SPATA6L: variants seen among roughly 807,000 people sequenced by gnomAD.
The protein encoded by SPATA6L is spermatogenesis associated 6-like protein.
In SPATA6L, 68 loss-of-function variants were observed where a neutral mutation model predicts 49.2. The ratio of observed to expected loss-of-function variants is 1.38; its 90% CI spans 1.14 to 1.69. The LOEUF is 1.69. Among genes scored for constraint, SPATA6L ranks in the 40% most tolerant of loss-of-function variants. The pLI is 0.00. For synonymous variants in SPATA6L, 198 were observed against 165.7 expected (o/e 1.19, Z -1.50); for missense variants, 668 against 464.3 (o/e 1.44, Z -4.03).
chr9:4,602,040 G>A (rs1290283905), intron 11 of SPATA6L, among the ~76,000 whole-genome samples: 3 of 152,148 alleles, frequency 2.0e-5, no homozygotes, highest in Non-Finnish European at 2.9e-5. Flanking sequence ...CAGGGAGGAT[G>A]GTATGGAGAC....
At chr9:4,595,397 G>C (rs1384474251), downstream of SPATA6L, among the ~76,000 whole-genome samples, 1 of 151,954 alleles carries the variant, frequency 6.6e-6, no homozygotes, top group African/African-American at 2.4e-5. Context: ...GGCTTTGTCA[G>C]AGTCTCCCCA....
chr9:4,615,993 T>C (rs1827892004), intron 9 of SPATA6L, among the ~76,000 whole-genome samples: 1 of 152,156 alleles, frequency 6.6e-6, no homozygotes, highest in Non-Finnish European at 1.5e-5. Flanking sequence ...GTTTAAAAGG[T>C]TGAAGCCAGG....
intron 3 of SPATA6L, among the ~76,000 whole-genome samples, chr9:4,638,790 C>CTT (rs201206657): frequency 1.7e-5 from 2 of 120,294 alleles, no homozygotes; most frequent in South Asian, 2.3e-4. Flanking sequence ...CTTTTCTTTT[C>CTT]TTTTTTTTTT....
chr9:4,624,711 G>A (rs1830021026), intron 6 of SPATA6L, among the ~76,000 whole-genome samples: 1 of 144,670 alleles, frequency 6.9e-6, no homozygotes, highest in African/African-American at 2.6e-5. Context: ...CTAGGCGACA[G>A]CGCAAGACTC....
chr9:4,659,220 T>G (rs1458981493), intron 2 of SPATA6L, among the ~76,000 whole-genome samples: 3 of 152,192 alleles, frequency 2.0e-5, no homozygotes, highest in Admixed American at 6.5e-5. Flanking sequence ...CATACAACCT[T>G]AGCCCTTCAG....
intron 3 of SPATA6L, among the ~76,000 whole-genome samples, chr9:4,640,018 A>G (rs545958299): frequency 5.4e-4 from 83 of 152,372 alleles, no homozygotes; most frequent in African/African-American, 1.9e-3. Flanking sequence ...ATAAAAGTAT[A>G]AAAGCATTGC....
In SPATA6L at chr9:4,622,439, C is replaced by T; in HGVS notation, c.741G>A (p.Lys247=). The change falls in exon 7 of 12, where the codon AAG becomes AAA. Residue 247 remains lysine (K), a synonymous_variant. Transcript: ENST00000682582. Reference sequence around the variant, plus strand: ...TCGTTGGAAACGGAAAGTCTGAAAACTTAGATTTTCTTCTAGACCTCCTCA... The same window carrying T: ...TCGTTGGAAACGGAAAGTCTGAAAATTTAGATTTTCTTCTAGACCTCCTCA... ...HHLRRSRRKS[K]FSDFPFPTRR... 3 of 1,613,796 alleles carry T rather than the reference C, an allele frequency of 1.9e-6. No homozygotes were observed. The highest frequency in any genetic ancestry group is 2.5e-6 in the Non-Finnish European group (3 of 1,179,814).
At chr9:4,615,337 T>TA (rs796763065) in intron 9 of SPATA6L, among the ~76,000 whole-genome samples, 3 of 152,352 alleles carry the variant, frequency 2.0e-5, no homozygotes, top group African/African-American at 7.2e-5. Context: ...TCTTAAATGT[T>TA]AGTGTTCCCA....
chr9:4,638,521 T>G (rs894960080), intron 3 of SPATA6L, among the ~76,000 whole-genome samples: 11 of 152,100 alleles, frequency 7.2e-5, no homozygotes, highest in African/African-American at 2.7e-4. Flanking sequence ...CCAATGGGTG[T>G]AATTGTAACA....
chr9:4,631,628 C>T (rs911260243), intron 4 of SPATA6L, among the ~76,000 whole-genome samples: 2 of 151,988 alleles, frequency 1.3e-5, no homozygotes, highest in African/African-American at 4.8e-5. Context: ...AAGCCACATG[C>T]TAGTGGAGGA....
intron 2 of SPATA6L, among the ~76,000 whole-genome samples, chr9:4,656,434 G>C (rs985998551): frequency 7.5e-6 from 1 of 133,720 alleles, no homozygotes; most frequent in African/African-American, 2.9e-5. Flanking sequence ...GTGAGACCCT[G>C]TGAAAGAAAG....
intron 3 of SPATA6L, among the ~76,000 whole-genome samples, chr9:4,646,679 G>T (rs1251882073): frequency 6.6e-6 from 1 of 151,928 alleles, no homozygotes; most frequent in African/African-American, 2.4e-5. Context: ...ATCAAATCAG[G>T]TATTTCTAGA....
chr9:4,604,643 C>G (rs564212307), intron 10 of SPATA6L, among the ~76,000 whole-genome samples: 2 of 152,296 alleles, frequency 1.3e-5, no homozygotes, highest in East Asian at 3.9e-4. Context: ...ATTCACTACC[C>G]TGATGGTTAG....
chr9:4,662,361 G>C lies in SPATA6L; in HGVS notation c.40-325C>G, dbSNP rs762874240. On this transcript the variant is annotated intron_variant, in intron 1 of 11. Coordinates refer to ENST00000682582, the MANE Select transcript of SPATA6L (RefSeq NM_001353486.2). This position sits in a 1 kb window ranked among gnomAD's most constrained non-coding sequence, Gnocchi z 4.9. ...TTGGTCCGGCCAGGTCCCGGGATCCGGGCCGCCAGCTGCGATGCCAAGTCC... is the reference window on the plus strand; with the variant it reads ...TTGGTCCGGCCAGGTCCCGGGATCCCGGCCGCCAGCTGCGATGCCAAGTCC... 81 of 1,493,056 alleles carry C rather than the reference G, an allele frequency of 5.4e-5. No individual in the cohort carries two copies. The African/African-American group carries it at 6.0e-4, about 11-fold the overall frequency. The allele number at this position is 1,493,056 out of a possible 1,614,324, so 92.5% of individuals were successfully genotyped here.
intron 4 of SPATA6L, among the ~76,000 whole-genome samples, chr9:4,630,360 C>T (rs73393813): frequency 0.084 from 12,784 of 152,134 alleles, 885 homozygotes; most frequent in African/African-American, 0.16. Flanking sequence ...AAGGCAATTT[C>T]CCCAAATTTA....
chr9:4,653,431 T>C (rs1243805686), intron 3 of SPATA6L, among the ~76,000 whole-genome samples: 1 of 152,224 alleles, frequency 6.6e-6, no homozygotes, highest in Admixed American at 6.5e-5. Context: ...TAAGTCTTCA[T>C]GACCTTGAGT....
rs976934220 is a variant in SPATA6L, at chr9:4,602,104, T to A, written c.*2-1295A>T. 7.2e-4 allele frequency among the ~76,000 whole-genome samples: 109 copies of A among 151,932 alleles called. 1 individual carries two copies. Among genetic ancestry groups the A allele is most frequent in the Non-Finnish European group, 1.3e-4 (9 of 67,978 alleles). ...CAAACTACTGGGTGGGAATTCCTGTTGTGTGGGAAACCTATTTTCCAAGAA... is the reference window on the plus strand; with the variant it reads ...CAAACTACTGGGTGGGAATTCCTGTAGTGTGGGAAACCTATTTTCCAAGAA... On this transcript the variant is annotated intron_variant, in intron 11 of 11. Transcript: ENST00000682582.
intron 9 of SPATA6L, among the ~76,000 whole-genome samples, chr9:4,616,411 ATTTAAAATCAATCCTCTACAAGTC>A (rs1448931585): frequency 3.9e-5 from 6 of 152,218 alleles, no homozygotes; most frequent in Non-Finnish European, 8.8e-5. Context: ...TCCGTTCTTC[ATTTAAAATCAATCCTCTACAAGTC>A]TTTAAATCCA....
rs10815037 is a variant in SPATA6L, at chr9:4,616,757, G to C, written c.995+1166C>G. Among the ~76,000 whole-genome samples, 7 of 152,050 alleles carry C rather than the reference G, an allele frequency of 4.6e-5. 1 individual carries two copies. The East Asian group carries it at 1.4e-3, about 29-fold the overall frequency. On this transcript the variant is annotated intron_variant, in intron 9 of 11. Coordinates refer to ENST00000682582, the MANE Select transcript of SPATA6L (RefSeq NM_001353486.2). ...TGCGCCACTATGCCCGGCTAATTTT[G>C]TATTTTTAGTAGAGACAGGGTTTCT...
Sources: allele counts gnomAD v4.1 joint callset (sites outside exome capture counted in the v4.1 genomes callset), GRCh38; gene constraint gnomAD v4.1.1; non-coding constraint Gnocchi (gnomAD v3.1); transcripts MANE v1.5; gene names NCBI Gene and HGNC (gene_info 2026-07-23, HGNC 2026-07-21).